The following DNM3 variants were observed in gnomAD, a reference collection of about 807,000 sequenced individuals.
DNM3 encodes the protein dynamin 3.
In DNM3, 47 loss-of-function variants were observed where a neutral mutation model predicts 101.6. The ratio of observed to expected loss-of-function variants is 0.46; its 90% CI spans 0.37 to 0.59. DNM3 has a LOEUF of 0.59. DNM3 is among the 20% of genes least tolerant of loss of function. DNM3 has a pLI of 0.00. For missense variants in DNM3, 849 were observed against 1,085.7 expected (o/e 0.78, Z 3.06); for synonymous variants, 385 against 387.9 (o/e 0.99, Z 0.09).
chr1:172,072,369 A>G (rs893414999), intron 11 of DNM3, among the ~76,000 whole-genome samples: 2 of 152,134 alleles, frequency 1.3e-5, no homozygotes, highest in Non-Finnish European at 2.9e-5. Flanking sequence ...CCATGCCTTG[A>G]CTTTATTTTT....
intron 20 of DNM3, among the ~76,000 whole-genome samples, chr1:172,389,722 A>G (rs970786638): frequency 2.0e-5 from 3 of 152,254 alleles, no homozygotes; most frequent in Admixed American, 6.5e-5. Context: ...CTGACTGTAT[A>G]TGAACCATAA....
At chr1:172,181,135 A>G (rs1320259149) in intron 14 of DNM3, among the ~76,000 whole-genome samples, 1 of 152,054 alleles carries the variant, frequency 6.6e-6, no homozygotes, top group East Asian at 1.9e-4. Context: ...TTGAAAGCAT[A>G]AGAGGCTTTG....
rs1334773835 is a variant in DNM3 at position 172,315,873 on chromosome 1, A to G, written c.1881+7034A>G. On this transcript the variant is annotated intron_variant, in intron 16 of 20. Transcript: ENST00000627582. ...GCAAGGCAGGCCAACGTTCAGATTC[A>G]GGAAATACAGAGAACGCCACAAAGA... Among the ~76,000 whole-genome samples, 150 of 152,304 alleles carry G rather than the reference A, an allele frequency of 9.8e-4. 2 individuals carry two copies. The highest frequency in any genetic ancestry group is 2.8e-4 in the Non-Finnish European group (19 of 68,018).
intron 1 of DNM3, among the ~76,000 whole-genome samples, chr1:171,845,001 A>G (rs1312108774): frequency 6.6e-6 from 1 of 152,204 alleles, no homozygotes; most frequent in Non-Finnish European, 1.5e-5. Context: ...TACAACCCCA[A>G]AGAGGTAGGT....
chr1:172,152,147 G>A (rs535916347), intron 14 of DNM3, among the ~76,000 whole-genome samples: 128 of 152,192 alleles, frequency 8.4e-4, no homozygotes, highest in Non-Finnish European at 1.5e-3. Context: ...GCCTCCCAAT[G>A]TGTTGGGATT....
intron 1 of DNM3, among the ~76,000 whole-genome samples, chr1:171,882,430 TACACACACACAC>T (rs34753464): frequency 1.9e-3 from 280 of 145,430 alleles, no homozygotes; most frequent in African/African-American, 2.9e-3. Context: ...TCTCTCTCTA[TACACACACACAC>T]ACACACACAC....
chr1:171,885,762 G>A (rs1005951547), intron 1 of DNM3, among the ~76,000 whole-genome samples: 1 of 152,126 alleles, frequency 6.6e-6, no homozygotes, highest in African/African-American at 2.4e-5. Flanking sequence ...TTCAGGACCT[G>A]TGTGGGCTCC....
chr1:172,365,765 A>G (rs1412884062), intron 17 of DNM3, among the ~76,000 whole-genome samples: 1 of 151,966 alleles, frequency 6.6e-6, no homozygotes, highest in Non-Finnish European at 1.5e-5. Flanking sequence ...ATAGCAAGCA[A>G]ATCTGTGAGT....
intron 13 of DNM3, among the ~76,000 whole-genome samples, chr1:172,099,115 GA>G (rs1019830592): frequency 1.4e-4 from 22 of 152,208 alleles, no homozygotes; most frequent in Admixed American, 2.0e-4. Flanking sequence ...AGATGAGTTA[GA>G]GTTTTTAAGA....
rs922538169 is a variant in DNM3, at chr1:172,409,766, C to G, written c.*1925C>G. On this transcript the variant is annotated 3_prime_UTR_variant, in exon 21 of 21. Coordinates refer to ENST00000627582, the MANE Select transcript of DNM3 (RefSeq NM_015569.5). ...CTTGTTTTTAGGATTCCCTTTGCTT[C>G]TTCCTTTGAATTCTCTAAAATAGGC... 3.0e-6 allele frequency: 3 copies of G among 985,480 alleles called. No individual in the cohort carries two copies. The African/African-American group carries it at 5.2e-5, about 17-fold the overall frequency. The allele number at this position is 985,480 out of a possible 1,614,324, so 61.0% of individuals were successfully genotyped here. A position where few individuals can be genotyped will look rare whatever the true frequency, so the allele number is the denominator to read the frequency against.
intron 1 of DNM3, among the ~76,000 whole-genome samples, chr1:171,918,320 G>T (rs2039883733): frequency 6.6e-6 from 1 of 152,186 alleles, no homozygotes; most frequent in Admixed American, 6.5e-5. Context: ...CAGTTTAGAA[G>T]TAAAAGAAAT....
intron 13 of DNM3, among the ~76,000 whole-genome samples, chr1:172,103,987 C>T (rs1008555152): frequency 6.6e-6 from 1 of 152,088 alleles, no homozygotes; most frequent in African/African-American, 2.4e-5. Context: ...GGTGACAGAG[C>T]GAGACTCCGT....
chr1:172,106,194 G>T (rs2055000081), intron 13 of DNM3, among the ~76,000 whole-genome samples: 1 of 152,146 alleles, frequency 6.6e-6, no homozygotes, highest in Non-Finnish European at 1.5e-5. Context: ...GCCAAGGCAG[G>T]CAGACCATTT....
intron 15 of DNM3, among the ~76,000 whole-genome samples, chr1:172,267,816 C>T (rs1259100397): frequency 6.6e-6 from 1 of 151,988 alleles, no homozygotes; most frequent in East Asian, 1.9e-4. Context: ...GGGTTCACAC[C>T]ATTCTCCTGC....
intron 13 of DNM3, among the ~76,000 whole-genome samples, chr1:172,097,036 G>A (rs1395220061): frequency 6.6e-6 from 1 of 152,086 alleles, no homozygotes; most frequent in African/African-American, 2.4e-5. Flanking sequence ...TAGGCTTATG[G>A]CTAAGGGCAT....
chr1:171,971,170 A>C (rs2043964925), intron 2 of DNM3, among the ~76,000 whole-genome samples: 1 of 151,874 alleles, frequency 6.6e-6, no homozygotes, highest in Non-Finnish European at 1.5e-5. Context: ...ATGTGTTCTT[A>C]TTTGCCCAGC....
chr1:172,219,377 CAAAAAAA>C (rs58783160), intron 14 of DNM3, among the ~76,000 whole-genome samples: 27 of 56,300 alleles, frequency 4.8e-4, no homozygotes, highest in Admixed American at 4.5e-3. Flanking sequence ...TACCCTGTCT[CAAAAAAA>C]AAAAAAAAAA....
In DNM3 at chr1:172,040,134, G is replaced by C. The variant is rs1224923897; in HGVS notation, c.992+1673G>C. 2.0e-5 allele frequency among the ~76,000 whole-genome samples: 3 copies of C among 152,218 alleles called. No homozygotes were observed. In the East Asian group the frequency reaches 5.8e-4, roughly 29 times the overall value. Reference sequence around the variant, plus strand: ...ACATTTGTTCTCGGATTAGTAAATGGGCCAGGTGGCTGAGGTATAGGGTTT... The same window carrying C: ...ACATTTGTTCTCGGATTAGTAAATGCGCCAGGTGGCTGAGGTATAGGGTTT... On this transcript the variant is annotated intron_variant, in intron 7 of 20. Coordinates refer to ENST00000627582, the MANE Select transcript of DNM3 (RefSeq NM_015569.5).
At chr1:171,902,617 C>CT (rs371573421) in intron 1 of DNM3, among the ~76,000 whole-genome samples, 39,463 of 147,890 alleles carry the variant, frequency 0.27, 5,411 homozygotes, top group East Asian at 0.5. Flanking sequence ...AGGCTTAAAT[C>CT]TTTTTTTTTT....
Sources: allele counts gnomAD v4.1 joint callset (sites outside exome capture counted in the v4.1 genomes callset), GRCh38; gene constraint gnomAD v4.1.1; transcripts MANE v1.5; gene names NCBI Gene and HGNC (gene_info 2026-07-23, HGNC 2026-07-21).